Variants in RIT2 observed in about 807,000 individuals in gnomAD.
RIT2 encodes the protein GTP-binding protein Rit2.
In RIT2, 24 loss-of-function variants were observed where a neutral mutation model predicts 23.7. The observed-to-expected ratio is 1.01, with a 90% CI of 0.73 to 1.43. RIT2 has a LOEUF of 1.43. Ranked by LOEUF, RIT2 falls within the 40% of genes most tolerant of loss-of-function variation. RIT2 has a pLI of 0.00. For synonymous variants in RIT2, 107 were observed against 91.1 expected, an observed-to-expected ratio of 1.17 and a Z score of -0.99; for missense variants, 236 against 266.9, an observed-to-expected ratio of 0.88 and a Z score of 0.81.
At chr18:42,996,580 CA>C (rs1910989451) in intron 2 of RIT2, among the ~76,000 whole-genome samples, 2 of 152,088 alleles carry the variant, frequency 1.3e-5, no homozygotes, top group South Asian at 4.2e-4. Flanking sequence ...CACCCTGGCT[CA>C]AAAGCTCAAC....
intron 4 of RIT2, among the ~76,000 whole-genome samples, chr18:42,884,802 G>A (rs1426864622): frequency 2.0e-5 from 3 of 152,162 alleles, no homozygotes; most frequent in African/African-American, 7.2e-5. Context: ...GATTCTCGTT[G>A]GTTATAGTGC....
intron 2 of RIT2, among the ~76,000 whole-genome samples, chr18:43,010,618 G>C (rs1473028628): frequency 6.6e-6 from 1 of 151,704 alleles, no homozygotes; most frequent in Admixed American, 6.6e-5. Flanking sequence ...ATTTTCACTG[G>C]AAGTTCCAGA....
intron 3 of RIT2, among the ~76,000 whole-genome samples, chr18:42,964,605 G>A (rs530330797): frequency 2.6e-5 from 4 of 152,112 alleles, no homozygotes; most frequent in Non-Finnish European, 5.9e-5. Flanking sequence ...AGGCATGAAC[G>A]ACTATGTTTT....
intron 4 of RIT2, among the ~76,000 whole-genome samples, chr18:42,915,151 T>TACACACACAC (rs71918963): frequency 2.7e-3 from 388 of 145,956 alleles, no homozygotes; most frequent in East Asian, 9.2e-3. Context: ...CATATAATTA[T>TACACACACAC]ACACACACAC....
chr18:43,028,199 T>C (rs950734117), intron 2 of RIT2, among the ~76,000 whole-genome samples: 50 of 152,112 alleles, frequency 3.3e-4, no homozygotes, highest in Admixed American at 3.2e-3. Flanking sequence ...TCTGTATGTA[T>C]GCCTATGTGT....
At chr18:42,915,149 TATAC>T (rs1206381217) in intron 4 of RIT2, among the ~76,000 whole-genome samples, 1 of 81,930 alleles carries the variant, frequency 1.2e-5, no homozygotes, top group Non-Finnish European at 2.7e-5. Flanking sequence ...TACATATAAT[TATAC>T]ACACACACAC....
chr18:42,752,451 T>C (rs75027605), intron 4 of RIT2, among the ~76,000 whole-genome samples: 2,799 of 152,238 alleles, frequency 0.018, 46 homozygotes, highest in Non-Finnish European at 0.03. Context: ...AATGAGGACT[T>C]TCAGGCTCAG....
intron 2 of RIT2, among the ~76,000 whole-genome samples, chr18:43,001,892 T>C (rs1412260284): frequency 2.0e-5 from 3 of 152,010 alleles, no homozygotes; most frequent in Non-Finnish European, 4.4e-5. Flanking sequence ...CTGGAGTAGA[T>C]GTGTGTGCAT....
intron 1 of RIT2, among the ~76,000 whole-genome samples, chr18:43,050,150 T>C (rs902523855): frequency 6.6e-6 from 1 of 151,420 alleles, no homozygotes; most frequent in Non-Finnish European, 1.5e-5. Flanking sequence ...CCTCAGCCTC[T>C]CTAGTAGCTG....
intron 1 of RIT2, among the ~76,000 whole-genome samples, chr18:43,092,901 G>A (rs902141002): frequency 4.6e-5 from 7 of 151,962 alleles, no homozygotes; most frequent in Non-Finnish European, 1.0e-4. Context: ...CTGTCTTTTT[G>A]TTAGTAAAAG....
intron 1 of RIT2, among the ~76,000 whole-genome samples, chr18:43,066,700 C>T (rs1277895467): frequency 6.6e-6 from 1 of 151,932 alleles, no homozygotes; most frequent in African/African-American, 2.4e-5. Context: ...AAGGAAGCGC[C>T]ATTTAACCTA....
chr18:42,807,855 G>T (rs1034308761), intron 4 of RIT2, among the ~76,000 whole-genome samples: 11 of 151,928 alleles, frequency 7.2e-5, no homozygotes, highest in African/African-American at 2.7e-4. Context: ...TTAGATGTGA[G>T]TTTCCTTGAG....
chr18:42,833,078 G>A (rs1453384036), intron 4 of RIT2, among the ~76,000 whole-genome samples: 7 of 144,984 alleles, frequency 4.8e-5, no homozygotes, highest in Admixed American at 3.4e-4. Flanking sequence ...AAAAAAAGAC[G>A]GCTTACTTGT....
chr18:43,088,336 TA>T (rs781692585), intron 1 of RIT2, among the ~76,000 whole-genome samples: 23 of 152,202 alleles, frequency 1.5e-4, no homozygotes, highest in Non-Finnish European at 2.8e-4. Context: ...AATGTTCTAA[TA>T]TTTCTAATAC....
chr18:42,889,419 T>C (rs1465704861), intron 4 of RIT2, among the ~76,000 whole-genome samples: 1 of 152,086 alleles, frequency 6.6e-6, no homozygotes, highest in Non-Finnish European at 1.5e-5. Context: ...TATAAAACTA[T>C]AGGAAAATTG....
chr18:42,777,646 C>T (rs141786107), intron 4 of RIT2, among the ~76,000 whole-genome samples: 1,630 of 152,182 alleles, frequency 0.011, 6 homozygotes, highest in Middle Eastern at 0.037. Flanking sequence ...TCATTTAGAT[C>T]CAGGTCACCC....
At chr18:43,040,790 T>A (rs930482844) in intron 1 of RIT2, among the ~76,000 whole-genome samples, 1 of 151,948 alleles carries the variant, frequency 6.6e-6, no homozygotes, top group Non-Finnish European at 1.5e-5. Context: ...AAATGTCAAA[T>A]GAAGGAAAAT....
At chr18:42,951,524 A>T (rs1909851311) in intron 3 of RIT2, among the ~76,000 whole-genome samples, 1 of 152,044 alleles carries the variant, frequency 6.6e-6, no homozygotes, top group African/African-American at 2.4e-5. Context: ...AAACCTCAGC[A>T]TCACACAATA....
At chr18:43,065,065 G>T (rs928861566) in intron 1 of RIT2, among the ~76,000 whole-genome samples, 1 of 151,932 alleles carries the variant, frequency 6.6e-6, no homozygotes, top group Non-Finnish European at 1.5e-5. Context: ...TGATCTGCCC[G>T]CCTCAGCTTC....
Sources: allele counts gnomAD v4.1 joint callset (sites outside exome capture counted in the v4.1 genomes callset), GRCh38; gene constraint gnomAD v4.1.1; transcripts MANE v1.5; gene names NCBI Gene and HGNC (gene_info 2026-07-23, HGNC 2026-07-21).